IFT80: variants seen among roughly 807,000 people sequenced by gnomAD.
The protein encoded by IFT80 is intraflagellar transport 80, also known as intraflagellar transport protein 80 homolog.
In IFT80, 79 loss-of-function variants were observed where a neutral mutation model predicts 107.9. The observed-to-expected ratio is 0.73, with a 90% confidence interval of 0.61 to 0.88. The LOEUF (loss-of-function observed/expected upper bound fraction) is 0.88, where lower values mean the gene tolerates loss of function less well. IFT80 is among the 40% of genes least tolerant of loss of function. IFT80 has a pLI of 0.00. For missense variants in IFT80, 797 were observed against 914.2 expected, an observed-to-expected ratio of 0.87 and a Z score of 1.65; for synonymous variants, 299 against 300.9, an observed-to-expected ratio of 0.99 and a Z score of 0.07.
chr3:160,306,635 G>A (rs1378439379), intron 10 of IFT80, among the ~76,000 whole-genome samples: 1 of 150,718 alleles, frequency 6.6e-6, no homozygotes, highest in Non-Finnish European at 1.5e-5. Context: ...TTATCTACTC[G>A]CCTCTGTTTC....
intron 8 of IFT80, among the ~76,000 whole-genome samples, chr3:160,336,943 T>C (rs957124912): frequency 1.3e-5 from 2 of 152,212 alleles, no homozygotes; most frequent in African/African-American, 2.4e-5. Flanking sequence ...CTATAAGCAA[T>C]ATGAAAATTA....
intron 19 of IFT80, among the ~76,000 whole-genome samples, chr3:160,262,031 T>A (rs1235678335): frequency 6.6e-6 from 1 of 152,156 alleles, no homozygotes; most frequent in Admixed American, 6.5e-5. Flanking sequence ...TCTCTCTTTT[T>A]TCCCTATATT....
chr3:160,343,981 T>C (rs893429759), intron 8 of IFT80, among the ~76,000 whole-genome samples: 1 of 152,172 alleles, frequency 6.6e-6, no homozygotes, highest in Admixed American at 6.5e-5. Context: ...CTTGAAGTAA[T>C]AGCTATGTCA....
chr3:160,285,210 A>T (rs1032130966), intron 13 of IFT80, among the ~76,000 whole-genome samples: 1 of 152,136 alleles, frequency 6.6e-6, no homozygotes, highest in African/African-American at 2.4e-5. Context: ...AATAATTACA[A>T]AAATAAATAT....
chr3:160,272,349 T>TA (rs1713878505), intron 18 of IFT80, among the ~76,000 whole-genome samples: 1 of 152,076 alleles, frequency 6.6e-6, no homozygotes, highest in South Asian at 2.1e-4. Context: ...AATTTAGAGA[T>TA]ACATGCTGAA....
At chr3:160,355,301 T>C (rs1475462562) in intron 8 of IFT80, among the ~76,000 whole-genome samples, 1 of 152,176 alleles carries the variant, frequency 6.6e-6, no homozygotes, top group Non-Finnish European at 1.5e-5. Context: ...CAGGCTGGAG[T>C]ACAGTGGCAT....
At chr3:160,397,643 C>T (rs1713885983) in intron 1 of IFT80, among the ~76,000 whole-genome samples, 2 of 150,588 alleles carry the variant, frequency 1.3e-5, no homozygotes, top group Admixed American at 1.3e-4. Flanking sequence ...ACTTGGGATT[C>T]TGTTTTCTAT....
intron 6 of IFT80, among the ~76,000 whole-genome samples, chr3:160,358,614 A>C (rs1430778538): frequency 6.6e-6 from 1 of 152,212 alleles, no homozygotes; most frequent in Non-Finnish European, 1.5e-5. Context: ...TTGGCCTCCC[A>C]AAGTGCTGGG....
intron 8 of IFT80, among the ~76,000 whole-genome samples, chr3:160,321,344 T>C (rs1335719298): frequency 2.0e-5 from 3 of 151,988 alleles, no homozygotes; most frequent in African/African-American, 4.8e-5. Flanking sequence ...TGGTTGATAA[T>C]GACAAATAAG....
At chr3:160,341,303 G>C (rs900088356) in intron 8 of IFT80, among the ~76,000 whole-genome samples, 1 of 151,174 alleles carries the variant, frequency 6.6e-6, no homozygotes, top group African/African-American at 2.4e-5. Flanking sequence ...CGTAGTTTGC[G>C]ATTTGTGGTT....
intron 9 of IFT80, 108 bp downstream of exon 9, chr3:160,319,652 A>C (rs1718062470): frequency 9.8e-7 from 1 of 1,015,950 alleles, no homozygotes; most frequent in African/African-American, 1.6e-5. Flanking sequence ...ATGTGACTGA[A>C]TTTTTATAAG....
chr3:160,346,363 A>AT (rs1720293782), intron 8 of IFT80, among the ~76,000 whole-genome samples: 1 of 152,206 alleles, frequency 6.6e-6, no homozygotes, highest in Non-Finnish European at 1.5e-5. Context: ...CCTGTACCTC[A>AT]TAAGTATATA....
chr3:160,302,207 G>A (rs1459981621), intron 11 of IFT80, among the ~76,000 whole-genome samples: 1 of 151,900 alleles, frequency 6.6e-6, no homozygotes, highest in Non-Finnish European at 1.5e-5. Flanking sequence ...ATTGCTAAAT[G>A]TTCTTTTTTT....
At chr3:160,396,782 A>T (rs1386538627) in intron 1 of IFT80, among the ~76,000 whole-genome samples, 1 of 152,214 alleles carries the variant, frequency 6.6e-6, no homozygotes, top group Non-Finnish European at 1.5e-5. Flanking sequence ...ACATGTCCAA[A>T]ATATTGGCAA....
intron 18 of IFT80, chr3:160,274,753 A>G (rs747923858): frequency 1.3e-5 from 2 of 152,240 alleles, no homozygotes; most frequent in Non-Finnish European, 2.9e-5. Flanking sequence ...AGCCTGGCCA[A>G]CATGGTGAAA....
intron 12 of IFT80, chr3:160,299,015 T>G (rs1326627897): frequency 1.2e-5 from 7 of 589,600 alleles, no homozygotes; most frequent in African/African-American, 2.0e-5. Flanking sequence ...TGACTGTACT[T>G]TATTAAAGCT....
At chr3:160,285,968 C>T (rs1288315293) in intron 12 of IFT80, 100 bp from the exon 13 acceptor site, 1 of 795,816 alleles carries the variant, frequency 1.3e-6, no homozygotes, top group Non-Finnish European at 2.1e-6. Flanking sequence ...TTATTTAACT[C>T]TCTAGACCAC....
chr3:160,377,658 C>G lies in IFT80; in HGVS notation c.260-118G>C, dbSNP rs190765374. The G allele has an allele frequency of 8.9e-6, 5 of 562,064 alleles. No homozygotes were observed. The East Asian group carries it at 1.5e-4, about 17-fold the overall frequency. The allele number at this position is 562,064 out of a possible 1,614,324, so 34.8% of individuals were successfully genotyped here. ...GGCAAATATTAACATTATAATTATT[C>G]TTAATATCACATATAAATCTATTGG... On this transcript the variant is annotated intron_variant, in intron 3 of 19. Transcript: ENST00000326448.
intron 1 of IFT80, among the ~76,000 whole-genome samples, chr3:160,390,798 T>C (rs7628815): frequency 0.013 from 2,047 of 152,308 alleles, 44 homozygotes; most frequent in African/African-American, 0.042. Flanking sequence ...ATCAACCTAC[T>C]GGCCCAATCT....
Sources: allele counts gnomAD v4.1 joint callset (sites outside exome capture counted in the v4.1 genomes callset), GRCh38; gene constraint gnomAD v4.1.1; transcripts MANE v1.5; gene names NCBI Gene and HGNC (gene_info 2026-07-23, HGNC 2026-07-21).